Variants in DIXDC1 observed in about 807,000 individuals in gnomAD.
DIXDC1 encodes the protein DIX domain containing 1.
DIXDC1 carries 64 observed loss-of-function variants against 103.1 expected under a neutral mutation model. The observed-to-expected ratio is 0.62, with a 90% CI of 0.51 to 0.76. The LOEUF (loss-of-function observed/expected upper bound fraction) is 0.76. Ranked by LOEUF, DIXDC1 falls within the 30% of genes least tolerant of loss-of-function variation. DIXDC1 has a pLI of 0.00. For missense variants in DIXDC1, 759 were observed against 834.2 expected (o/e 0.91, Z 1.11); for synonymous variants, 266 against 298.5 (o/e 0.89, Z 1.12).
intron 1 of DIXDC1, among the ~76,000 whole-genome samples, chr11:111,953,930 C>G (rs782162375): frequency 1.3e-5 from 2 of 151,892 alleles, no homozygotes; most frequent in African/African-American, 4.8e-5. Context: ...ACAAAAGAAA[C>G]GCGTCTGTAC....
intron 10 of DIXDC1, among the ~76,000 whole-genome samples, chr11:111,989,995 T>C (rs1207915980): frequency 2.0e-5 from 3 of 151,396 alleles, no homozygotes; most frequent in African/African-American, 4.9e-5. Flanking sequence ...TTTCACCGTG[T>C]TAGCCAGGAT....
chr11:112,004,991 G>C (rs1262676976), intron 17 of DIXDC1, among the ~76,000 whole-genome samples: 1 of 151,930 alleles, frequency 6.6e-6, no homozygotes, highest in Non-Finnish European at 1.5e-5. Flanking sequence ...AAGAGCAAGA[G>C]AAAAACGAAG....
chr11:111,993,617 C>T, intron 13 of DIXDC1, 29 bp downstream of exon 13: 2 of 1,613,990 alleles, frequency 1.2e-6, no homozygotes, highest in Non-Finnish European at 1.7e-6. Context: ...ACTGACTTCC[C>T]TGCCTCTTTG....
Position 111,977,823 on chromosome 11 carries a change from G to A in DIXDC1, c.656+2840G>A. The A allele has an allele frequency of 6.5e-7, 1 of 1,547,098 alleles. No individual in the cohort carries two copies. The highest frequency in any genetic ancestry group is 1.2e-5 in the South Asian group (1 of 83,728). Reference sequence around the variant, plus strand: ...AGCTGAAGCCACTCTGGCTTTGGAAGTGGGGGGCCTGGGTGGGAACAGGGG... The same window carrying A: ...AGCTGAAGCCACTCTGGCTTTGGAAATGGGGGGCCTGGGTGGGAACAGGGG... On this transcript the variant is annotated intron_variant, in intron 5 of 19. Coordinates refer to ENST00000440460, the MANE Select transcript of DIXDC1 (RefSeq NM_001037954.4). The surrounding 1 kb of genome is among the most constrained non-coding windows in gnomAD (Gnocchi z 6.1).
Position 112,017,128 on chromosome 11 carries a change from C to G in DIXDC1, c.1862+332C>G, listed in dbSNP as rs587722512. Among the ~76,000 whole-genome samples, 8 of 151,242 alleles carry G rather than the reference C, an allele frequency of 5.3e-5. No homozygotes were observed. Among genetic ancestry groups the G allele is most frequent in the African/African-American group, 1.7e-4 (7 of 41,186 alleles). ...TAGCTCCTGCTGATACAATGGATTGCAGCCTGGCACTCACTCCAGGACTAT... is the reference window on the plus strand; with the variant it reads ...TAGCTCCTGCTGATACAATGGATTGGAGCCTGGCACTCACTCCAGGACTAT... On this transcript the variant is annotated intron_variant, in intron 18 of 19. Transcript: ENST00000440460. This position sits in a 1 kb window ranked among gnomAD's most constrained non-coding sequence, Gnocchi z 4.0.
chr11:111,948,858 C>T (rs1966685205), intron 1 of DIXDC1, among the ~76,000 whole-genome samples: 1 of 152,170 alleles, frequency 6.6e-6, no homozygotes, highest in Admixed American at 6.5e-5. Context: ...AGCTCTTTTC[C>T]TCTTCTCTGA....
intron 1 of DIXDC1, among the ~76,000 whole-genome samples, chr11:111,960,720 C>T (rs1300399382): frequency 1.3e-5 from 2 of 152,086 alleles, no homozygotes; most frequent in Non-Finnish European, 2.9e-5. Flanking sequence ...ACTGATATAC[C>T]TTGGTCCCAC....
intron 1 of DIXDC1, among the ~76,000 whole-genome samples, chr11:111,949,610 A>C (rs1305147481): frequency 6.6e-6 from 1 of 151,640 alleles, no homozygotes; most frequent in African/African-American, 2.4e-5. Flanking sequence ...ACACAGTTTC[A>C]CTCTCCTGTT....
At chr11:111,956,831 A>G (rs1315440744) in intron 1 of DIXDC1, among the ~76,000 whole-genome samples, 1 of 152,144 alleles carries the variant, frequency 6.6e-6, no homozygotes, top group East Asian at 1.9e-4. Flanking sequence ...GCAGAAATAA[A>G]AAATAAAGTA....
chr11:111,930,674 C>T (rs782587910), intron 2 of DIXDC1, among the ~76,000 whole-genome samples: 26 of 152,132 alleles, frequency 1.7e-4, no homozygotes, highest in Non-Finnish European at 1.5e-5. Flanking sequence ...CCCTGCCCCC[C>T]ACATTGTAAA....
intron 2 of DIXDC1, among the ~76,000 whole-genome samples, chr11:111,968,079 T>C (rs1338969260): frequency 2.0e-5 from 3 of 152,242 alleles, no homozygotes; most frequent in Admixed American, 2.0e-4. Context: ...CTGTACTTTA[T>C]TTTTCCTCAA....
At chr11:111,929,716 T>C in intron 1 of DIXDC1, 1 of 625,424 alleles carries the variant, frequency 1.6e-6, no homozygotes, top group Non-Finnish European at 2.7e-6. Context: ...CTTAAGTTGG[T>C]AGGTTTTGGG....
intron 10 of DIXDC1, 75 bp from the exon 11 acceptor site, chr11:111,992,340 G>T (rs782458610): frequency 3.1e-6 from 4 of 1,307,148 alleles, no homozygotes; most frequent in East Asian, 2.5e-5. Flanking sequence ...CACATTAAAG[G>T]CTTTAGTAAT....
At chr11:111,992,359 A>C (rs1860737455) in intron 10 of DIXDC1, 56 bp from the exon 11 acceptor site, 1 of 1,441,962 alleles carries the variant, frequency 6.9e-7, no homozygotes, top group East Asian at 2.5e-5. Flanking sequence ...ATTTGTAATA[A>C]TAACTGGCTG....
In DIXDC1 at chr11:111,958,251, T is replaced by G. The variant is rs1222681625; in HGVS notation, c.61-6298T>G. Reference sequence around the variant, plus strand: ...GGCTGTGGACCAGGCATCCCTGTGCTCTTGGGGGCCAGGAGCAGGCAGGAG... The same window carrying G: ...GGCTGTGGACCAGGCATCCCTGTGCGCTTGGGGGCCAGGAGCAGGCAGGAG... On this transcript the variant is annotated intron_variant, in intron 1 of 19. Transcript: ENST00000440460. The surrounding 1 kb of genome is among the most constrained non-coding windows in gnomAD (Gnocchi z 4.2). 6.6e-6 allele frequency among the ~76,000 whole-genome samples: 1 copy of G among 151,894 alleles called. No individual in the cohort carries two copies. Among genetic ancestry groups the G allele is most frequent in the African/African-American group, 2.4e-5 (1 of 41,340 alleles).
intron 14 of DIXDC1, among the ~76,000 whole-genome samples, chr11:111,994,702 C>T (rs1860829978): frequency 6.6e-6 from 1 of 151,738 alleles, no homozygotes; most frequent in African/African-American, 2.4e-5. Flanking sequence ...GAAGCAAAGC[C>T]AGGCAGTGCT....
At chr11:111,981,661 A>G (rs1482063638) in intron 6 of DIXDC1, among the ~76,000 whole-genome samples, 1 of 152,242 alleles carries the variant, frequency 6.6e-6, no homozygotes, top group Non-Finnish European at 1.5e-5. Flanking sequence ...CAGAGGGGTT[A>G]TTATATTCGT....
intron 19 of DIXDC1, among the ~76,000 whole-genome samples, chr11:112,018,345 C>T (rs533221): frequency 0.05 from 7,572 of 152,218 alleles, 641 homozygotes; most frequent in African/African-American, 0.17. Flanking sequence ...TTAGCCTACG[C>T]GTCTCTTTAT....
rs587628639 is a variant in DIXDC1, at chr11:111,959,283, G to A, written c.61-5266G>A. Among the ~76,000 whole-genome samples the A allele has an allele frequency of 1.3e-4, 20 of 152,358 alleles. No individual in the cohort carries two copies. In the South Asian group the frequency reaches 4.1e-3, roughly 32 times the overall value. ...CCCTTTGGGGAGCCCAGACCTAGGA[G>A]CTCCCCAAGCCAGGGCTGTGACACC... is the stretch of plus-strand genomic sequence containing the variant. On this transcript the variant is annotated intron_variant, in intron 1 of 19. Transcript: ENST00000440460.
Sources: gnomAD v4.1 joint callset for allele counts (sites outside exome capture counted in the v4.1 genomes callset) on GRCh38, gnomAD v4.1.1 for gene constraint, Gnocchi (gnomAD v3.1) non-coding constraint, MANE v1.5 for transcripts, NCBI Gene and HGNC (gene_info 2026-07-23, HGNC 2026-07-21) for gene names.